The following NOM1 variants were observed in gnomAD, a reference collection of about 807,000 sequenced individuals.
The protein encoded by NOM1 is nucleolar protein with MIF4G domain 1, also known as nucleolar MIF4G domain-containing protein 1.
In NOM1, 58 loss-of-function variants were observed where a neutral mutation model predicts 73.3. That is an observed-to-expected ratio of 0.79 (90% CI 0.64 to 0.99). NOM1 has a LOEUF of 0.99. Among genes scored for constraint, NOM1 ranks in the 50% least tolerant of loss-of-function variants. The pLI is 0.00. For missense variants in NOM1, 1,226 were observed against 1,131.9 expected, an observed-to-expected ratio of 1.08 and a Z score of -1.19; for synonymous variants, 487 against 446.8, an observed-to-expected ratio of 1.09 and a Z score of -1.14.
rs1804548478 is a variant in NOM1 at position 156,950,219 on chromosome 7, G to A, written c.482G>A (p.Arg161Lys). 2 of 1,611,736 alleles carry A rather than the reference G, an allele frequency of 1.2e-6. No homozygotes were observed. The highest frequency in any genetic ancestry group is 1.7e-5 in the Admixed American group (1 of 59,982). The change falls in exon 1 of 11, where the codon AGA (arginine) becomes AAA (lysine). Residue 161 changes from arginine to lysine, a missense_variant. Arg to Lys is a conservative substitution (Grantham distance 26). Coordinates refer to ENST00000275820, the MANE Select transcript of NOM1 (RefSeq NM_138400.2). ...AKATAATAKT[R>K]PSAAATAAAR... ...GCCACGGCCGCCACCGCAAAGACCA[G>A]ACCCTCCGCAGCCGCCACCGCCGCT...
chr7:156,970,061 G>T lies in NOM1; in HGVS notation c.*358G>T, dbSNP rs1411244812. On this transcript the variant is annotated 3_prime_UTR_variant, in exon 11 of 11. Transcript: ENST00000275820. ...CCAGCACTTTGTGAGGCCAAGGTGG[G>T]CGGATCACTTGAGGCCAGGAATTTG... 1.9e-5 allele frequency: 3 copies of T among 154,682 alleles called. No individual in the cohort carries two copies. Among genetic ancestry groups the T allele is most frequent in the African/African-American group, 4.8e-5 (2 of 41,536 alleles). The allele number at this position is 154,682 out of a possible 1,614,324, so 9.6% of individuals were successfully genotyped here.
At position 156,969,568 on chromosome 7, in the gene NOM1, T is replaced by C; in HGVS notation, c.2448T>C (p.Gly816=). Residue 816 remains glycine, a synonymous_variant, in exon 11 of 11, where the codon GGT becomes GGC. Coordinates refer to ENST00000275820, the MANE Select transcript of NOM1 (RefSeq NM_138400.2). The stretch of plus-strand genomic sequence containing the variant: ...CAAAGCTGGGGGTGTTACGTGAGGG[T>C]TTGAAGCTTTTCATCAGCCACTTCT... ...DNPKLGVLRE[G]LKLFISHFLL... 1 of 1,614,050 alleles carries C rather than the reference T, an allele frequency of 6.2e-7. No individual in the cohort carries two copies. The highest frequency in any genetic ancestry group is 8.5e-7 in the Non-Finnish European group (1 of 1,179,974).
At position 156,950,012 on chromosome 7, in the gene NOM1, T is replaced by G. The variant is rs1418365020; in HGVS notation, c.275T>G (p.Leu92Arg). ...GAACTGAGGAAGGAGAAGCGGCACCTGCGGAAAGCACGCCGGCTGCAGAGG... is the reference window on the plus strand; with the variant it reads ...GAACTGAGGAAGGAGAAGCGGCACCGGCGGAAAGCACGCCGGCTGCAGAGG... The part of the protein sequence containing the change: ...RKELRKEKRH[L>R]RKARRLQRTA... Residue 92 changes from leucine to arginine, a missense_variant, in exon 1 of 11, where the codon CTG becomes CGG. Coordinates refer to ENST00000275820, the MANE Select transcript of NOM1 (RefSeq NM_138400.2). 1 of 1,541,192 alleles carries G rather than the reference T, an allele frequency of 6.5e-7. No individual in the cohort carries two copies. The highest frequency in any genetic ancestry group is 2.0e-5 in the Admixed American group (1 of 51,020).
rs1804554704 is a variant in NOM1, at chr7:156,950,348, G to A, written c.611G>A (p.Ser204Asn). The A allele has an allele frequency of 6.2e-7, 1 of 1,614,098 alleles. No individual in the cohort carries two copies. Among genetic ancestry groups the A allele is most frequent in the Non-Finnish European group, 8.5e-7 (1 of 1,180,008 alleles). Reference protein sequence around the residue: ...GLNKRKKKDGSSSVPLSFARD... With the variant: ...GLNKRKKKDGNSSVPLSFARD... ...AACAAGCGCAAAAAGAAGGACGGCA[G>A]CAGCTCCGTGCCGCTGAGCTTTGCA... Residue 204 changes from serine (S) to asparagine (N), a missense_variant, in exon 1 of 11, where the codon AGC (serine) becomes AAC (asparagine). By Grantham distance (46) the Ser-to-Asn change is conservative (BLOSUM62 1). Coordinates refer to ENST00000275820, the MANE Select transcript of NOM1 (RefSeq NM_138400.2).
chr7:156,952,143 G>C (rs1295228227), intron 1 of NOM1, among the ~76,000 whole-genome samples: 1 of 152,176 alleles, frequency 6.6e-6, no homozygotes. Context: ...GTAAGTTAAG[G>C]CCGAGCAAAA....
In NOM1 at chr7:156,964,041, G is replaced by A; in HGVS notation, c.2033+15G>A. 6.2e-7 allele frequency: 1 copy of A among 1,609,328 alleles called. No homozygotes were observed. On this transcript the variant is annotated intron_variant, in intron 7 of 10. Coordinates refer to ENST00000275820, the MANE Select transcript of NOM1 (RefSeq NM_138400.2). ...AAGCTTCTGAAGTAAGCATTTGTGT[G>A]CACATTTTGACCTATTAATGAGATG...
chr7:156,950,856 GTACGTTACTCTA>G, intron 1 of NOM1, 132 bp downstream of exon 1: 2 of 759,258 alleles, frequency 2.6e-6, no homozygotes, highest in East Asian at 5.4e-5. Context: ...AGTAAATCGA[GTACGTTACTCTA>G]TTCGGTCTTC....
rs1372230648 is a variant in NOM1, at chr7:156,954,157, G to T, written c.1167G>T (p.Met389Ile). 6.2e-7 allele frequency: 1 copy of T among 1,613,486 alleles called. No homozygotes were observed. The highest frequency in any genetic ancestry group is 1.7e-5 in the Admixed American group (1 of 59,898). Reference protein sequence around the residue: ...SISGQLEELYMAHSRKDMNDT... With the variant: ...SISGQLEELYIAHSRKDMNDT... ...GTGGGCAGCTGGAGGAACTGTACAT[G>T]GCCCACAGCAGAAAGGACATGAATG... is the stretch of plus-strand genomic sequence containing the variant. Residue 389 changes from methionine (M) to isoleucine (I), a missense_variant, in exon 3 of 11, where the codon ATG becomes ATT. Transcript: ENST00000275820.
intron 7 of NOM1, 47 bp from the exon 8 acceptor site, chr7:156,966,223 C>T (rs1804991877): frequency 2.5e-6 from 4 of 1,606,754 alleles, no homozygotes; most frequent in Non-Finnish European, 3.4e-6. Flanking sequence ...AGCCATTAAA[C>T]TTTGGAAGTC....
chr7:156,959,303 C>T (rs10234725), intron 3 of NOM1, among the ~76,000 whole-genome samples: 74,856 of 146,568 alleles, frequency 0.51, 18,942 homozygotes, highest in Middle Eastern at 0.68. Context: ...GGGGTTTCAC[C>T]ACGTTAGCCA....
intron 7 of NOM1, 159 bp downstream of exon 7, chr7:156,964,185 C>T (rs1356145366): frequency 1.6e-6 from 1 of 607,992 alleles, no homozygotes; most frequent in African/African-American, 1.9e-5. Flanking sequence ...TCGTGCATCT[C>T]TGGGTTAGTC....
In NOM1 at chr7:156,952,470, G is replaced by A. The variant is rs1324082541; in HGVS notation, c.988-4G>A. ...TTTTGTAATTTATTTCTCTTTTCAA[G>A]CAGAGTCTTTGTGGAAGTGGTGAAA... On this transcript the variant is annotated splice_polypyrimidine_tract_variant and splice_region_variant and intron_variant, in intron 1 of 10. Coordinates refer to ENST00000275820, the MANE Select transcript of NOM1 (RefSeq NM_138400.2). 1.2e-6 allele frequency: 2 copies of A among 1,606,468 alleles called. No individual in the cohort carries two copies. Among genetic ancestry groups the A allele is most frequent in the South Asian group, 2.2e-5 (2 of 89,060 alleles).
At chr7:156,959,493 C>G (rs192519157) in intron 3 of NOM1, among the ~76,000 whole-genome samples, 576 of 152,348 alleles carry the variant, frequency 3.8e-3, no homozygotes, top group Non-Finnish European at 7.0e-3. Context: ...CCACCCACCT[C>G]CGCCTCCTAA....
intron 6 of NOM1, chr7:156,963,640 TTC>T (rs1311820452): frequency 5.0e-6 from 2 of 396,356 alleles, no homozygotes; most frequent in East Asian, 4.5e-5. Context: ...CAGTGACTGG[TTC>T]TCTGTTTTAT....
rs1804575730 is a variant in NOM1, at chr7:156,950,871, C to T, written c.987+147C>T. ...AGTAAATCGAGTACGTTACTCTATTCGGTCTTCTTTCATGTTTTTAAATTT... is the reference window on the plus strand; with the variant it reads ...AGTAAATCGAGTACGTTACTCTATTTGGTCTTCTTTCATGTTTTTAAATTT... On this transcript the variant is annotated intron_variant, in intron 1 of 10. Coordinates refer to ENST00000275820, the MANE Select transcript of NOM1 (RefSeq NM_138400.2). 4 of 712,908 alleles carry T rather than the reference C, an allele frequency of 5.6e-6. No individual in the cohort carries two copies. In the Admixed American group the frequency reaches 8.8e-5, roughly 16 times the overall value. 44.2% of individuals were successfully genotyped at this position (712,908 alleles called of 1,614,324 possible). A position where few individuals can be genotyped will look rare whatever the true frequency, so the allele number is the denominator to read the frequency against.
At chr7:156,957,702 C>G (rs1242937802) in intron 3 of NOM1, among the ~76,000 whole-genome samples, 1 of 140,340 alleles carries the variant, frequency 7.1e-6, no homozygotes, top group Non-Finnish European at 1.5e-5. Flanking sequence ...GTGAACCCAG[C>G]AGGCGGAGCT....
intron 4 of NOM1, among the ~76,000 whole-genome samples, chr7:156,961,827 G>A (rs1249537406): frequency 1.3e-5 from 2 of 152,144 alleles, no homozygotes; most frequent in Non-Finnish European, 2.9e-5. Context: ...GTGGGAGCAG[G>A]AGCGTAGTAG....
At position 156,963,012 on chromosome 7, in the gene NOM1, G is replaced by T. The variant is rs774647900; in HGVS notation, c.1748G>T (p.Arg583Leu). The T allele has an allele frequency of 2.5e-6, 4 of 1,611,370 alleles. No homozygotes were observed. The highest frequency in any genetic ancestry group is 1.7e-4 in the Middle Eastern group (1 of 6,056). The stretch of plus-strand genomic sequence containing the variant: ...TAGCTCTTCTCTCTTCATCAGGTCC[G>T]CAACGCCGGCTCAGGTTCTGAGACG... ...KLRKLQRALV[R>L]NAGSGSETQL... The change falls in exon 6 of 11, where the codon CGC (arginine) becomes CTC (leucine). Residue 583 changes from arginine (R) to leucine (L), a missense_variant. Transcript: ENST00000275820.
intron 5 of NOM1, among the ~76,000 whole-genome samples, 179 bp downstream of exon 5, chr7:156,962,440 C>T (rs1057105649): frequency 5.9e-5 from 9 of 152,184 alleles, no homozygotes; most frequent in Non-Finnish European, 1.0e-4. Flanking sequence ...GTGGTCTGGG[C>T]GTGCTCGTGC....
Sources: allele counts gnomAD v4.1 joint callset (sites outside exome capture counted in the v4.1 genomes callset), GRCh38; gene constraint gnomAD v4.1.1; transcripts MANE v1.5; gene names NCBI Gene and HGNC (gene_info 2026-07-23, HGNC 2026-07-21).